FANCC: variants seen among roughly 807,000 people sequenced by gnomAD.
FANCC encodes the protein Fanconi anemia group C protein.
In FANCC, 55 loss-of-function variants were observed where a neutral mutation model predicts 71.3. That is an observed-to-expected ratio of 0.77 (90% CI 0.62 to 0.97). FANCC has a LOEUF of 0.97. Among genes scored for constraint, FANCC ranks in the 50% least tolerant of loss-of-function variants. The pLI, the probability that FANCC is intolerant of heterozygous loss-of-function variation, is 0.00. For synonymous variants in FANCC, 275 were observed against 244.9 expected (o/e 1.12, Z -1.15); for missense variants, 678 against 670.9 (o/e 1.01, Z -0.12).
At chr9:95,270,638 C>T (rs1832664766) in intron 1 of FANCC, among the ~76,000 whole-genome samples, 1 of 152,162 alleles carries the variant, frequency 6.6e-6, no homozygotes, top group African/African-American at 2.4e-5. Flanking sequence ...GTATGAAAAC[C>T]TCCAGAAAGG....
chr9:95,236,119 C>T (rs1050226199), intron 4 of FANCC, among the ~76,000 whole-genome samples: 1 of 152,068 alleles, frequency 6.6e-6, no homozygotes, highest in Non-Finnish European at 1.5e-5. Flanking sequence ...AATACAACAC[C>T]TTTTGATCTC....
At chr9:95,241,220 T>C (rs1182568325) in intron 3 of FANCC, among the ~76,000 whole-genome samples, 1 of 152,252 alleles carries the variant, frequency 6.6e-6, no homozygotes, top group Non-Finnish European at 1.5e-5. Context: ...TTTAATCTTT[T>C]AATTTTTTAA....
chr9:95,270,688 C>G (rs568126484), intron 1 of FANCC, among the ~76,000 whole-genome samples: 1 of 152,254 alleles, frequency 6.6e-6, no homozygotes, highest in South Asian at 2.1e-4. Context: ...TGGACAAATT[C>G]TAAGATAAAG....
At chr9:95,189,889 A>G (rs1826978899) in intron 4 of FANCC, among the ~76,000 whole-genome samples, 1 of 152,120 alleles carries the variant, frequency 6.6e-6, no homozygotes, top group Admixed American at 6.5e-5. Flanking sequence ...ATATCAGACA[A>G]CTGAGCTGAC....
intron 7 of FANCC, among the ~76,000 whole-genome samples, chr9:95,144,594 A>C (rs1829263837): frequency 6.6e-6 from 1 of 152,106 alleles, no homozygotes; most frequent in African/African-American, 2.4e-5. Flanking sequence ...GATTCCCTTT[A>C]ATTCAGCTCT....
At chr9:95,151,825 G>A (rs1174393252) in intron 6 of FANCC, among the ~76,000 whole-genome samples, 2 of 152,048 alleles carry the variant, frequency 1.3e-5, no homozygotes, top group Admixed American at 1.3e-4. Context: ...TACTCGGGGG[G>A]GCGGAGGTGG....
chr9:95,316,411 T>C (rs777597053), intron 1 of FANCC, among the ~76,000 whole-genome samples: 1 of 152,232 alleles, frequency 6.6e-6, no homozygotes, highest in East Asian at 1.9e-4. Flanking sequence ...ATTCTACTGT[T>C]TGTAACAACC....
intron 4 of FANCC, among the ~76,000 whole-genome samples, chr9:95,229,401 T>C (rs932710252): frequency 6.7e-6 from 1 of 149,362 alleles, no homozygotes; most frequent in Non-Finnish European, 1.5e-5. Context: ...TGGATGGGGG[T>C]AGAAGCAGTG....
At chr9:95,135,605 TCTC>T in intron 7 of FANCC, 103 bp from the exon 8 acceptor site, 2 of 942,482 alleles carry the variant, frequency 2.1e-6, no homozygotes, top group Non-Finnish European at 3.3e-6. Flanking sequence ...TTGTGAGACT[TCTC>T]ATCATGGTCA....
At chr9:95,192,885 C>T (rs1827198684) in intron 4 of FANCC, among the ~76,000 whole-genome samples, 1 of 152,212 alleles carries the variant, frequency 6.6e-6, no homozygotes, top group South Asian at 2.1e-4. Flanking sequence ...ATTTCAATAA[C>T]CAACTACATA....
intron 4 of FANCC, among the ~76,000 whole-genome samples, chr9:95,192,231 C>T (rs1827159321): frequency 6.6e-6 from 1 of 152,198 alleles, no homozygotes; most frequent in African/African-American, 2.4e-5. Flanking sequence ...CGACCAAGGA[C>T]ATCACCAGGT....
intron 1 of FANCC, among the ~76,000 whole-genome samples, chr9:95,315,455 A>G (rs1255599660): frequency 6.6e-6 from 1 of 152,180 alleles, no homozygotes; most frequent in African/African-American, 2.4e-5. Context: ...AACTCCTGGG[A>G]TCAAGTGATC....
intron 1 of FANCC, among the ~76,000 whole-genome samples, chr9:95,303,770 T>A (rs370103900): frequency 6.6e-6 from 1 of 152,118 alleles, no homozygotes; most frequent in African/African-American, 2.4e-5. Context: ...TACAGTCCCA[T>A]TGGGGGTTAC....
At chr9:95,157,762 T>C (rs930546906) in intron 6 of FANCC, among the ~76,000 whole-genome samples, 3 of 152,228 alleles carry the variant, frequency 2.0e-5, no homozygotes, top group African/African-American at 7.2e-5. Flanking sequence ...CTTGAAGTTC[T>C]TGGGAAGGTT....
At chr9:95,268,203 AT>A (rs1177663115) in intron 1 of FANCC, among the ~76,000 whole-genome samples, 1 of 152,196 alleles carries the variant, frequency 6.6e-6, no homozygotes, top group African/African-American at 2.4e-5. Context: ...CAGGCAACAG[AT>A]TTGTCCTCCT....
At chr9:95,160,708 C>T (rs1211579118) in intron 6 of FANCC, among the ~76,000 whole-genome samples, 1 of 152,122 alleles carries the variant, frequency 6.6e-6, no homozygotes. Context: ...TTTCCTTGAG[C>T]AGTGGTTTGT....
intron 4 of FANCC, among the ~76,000 whole-genome samples, chr9:95,230,340 T>TGA (rs1829926615): frequency 6.6e-6 from 1 of 151,914 alleles, no homozygotes; most frequent in African/African-American, 2.4e-5. Flanking sequence ...CTTTCAGGGG[T>TGA]GAGATATCTT....
At chr9:95,216,468 A>AT (rs1314792991) in intron 4 of FANCC, among the ~76,000 whole-genome samples, 23 of 152,226 alleles carry the variant, frequency 1.5e-4, no homozygotes, top group Admixed American at 1.5e-3. Context: ...GAACAACACT[A>AT]TTATTGGTAG....
At chr9:95,129,977 A>C (rs1030505511) in intron 8 of FANCC, among the ~76,000 whole-genome samples, 11 of 152,196 alleles carry the variant, frequency 7.2e-5, no homozygotes, top group African/African-American at 1.9e-4. Flanking sequence ...ACCTAGAAAG[A>C]AAGCCCATCT....
Sources: allele counts gnomAD v4.1 joint callset (sites outside exome capture counted in the v4.1 genomes callset), GRCh38; gene constraint gnomAD v4.1.1; transcripts MANE v1.5; gene names NCBI Gene and HGNC (gene_info 2026-07-23, HGNC 2026-07-21).